Variants in BTBD7 observed in about 807,000 individuals in gnomAD.
BTBD7 encodes the protein BTB/POZ domain-containing protein 7.
In BTBD7, 38 loss-of-function variants were observed where a neutral mutation model predicts 99.9. The ratio of observed to expected loss-of-function variants is 0.38; its 90% CI spans 0.29 to 0.50. BTBD7 has a LOEUF of 0.50. Ranked by LOEUF, BTBD7 falls within the 20% of genes least tolerant of loss-of-function variation. BTBD7 has a pLI of 0.93. For synonymous variants in BTBD7, 520 were observed against 511.4 expected (o/e 1.02, Z -0.23); for missense variants, 1,170 against 1,394.6 (o/e 0.84, Z 2.57).
At position 93,242,649 on chromosome 14, in the gene BTBD7, T is replaced by G. The variant is rs539713541; in HGVS notation, c.3023A>C (p.Glu1008Ala). 11 of 1,613,868 alleles carry G rather than the reference T, an allele frequency of 6.8e-6. No individual in the cohort carries two copies. The highest frequency in any genetic ancestry group is 8.5e-6 in the Non-Finnish European group (10 of 1,179,948). Residue 1008 changes from glutamate to alanine, a missense_variant, in exon 11 of 11, where the codon GAA becomes GCA. By Grantham distance (107) the Glu-to-Ala change is moderately radical. Coordinates refer to ENST00000334746, the MANE Select transcript of BTBD7 (RefSeq NM_001002860.4). ...ATGCCCGTCAGGGGAAAGTGGATAT[T>G]CTCTCCTAGCTTCTTCCTGTTTTTT... ...SPKKQEEARREYPLSPDGHLH... is the reference protein window; with the variant it reads ...SPKKQEEARRAYPLSPDGHLH...
intron 1 of BTBD7, among the ~76,000 whole-genome samples, chr14:93,311,640 T>C (rs994212541): frequency 7.9e-5 from 12 of 152,198 alleles, no homozygotes; most frequent in African/African-American, 2.9e-4. Flanking sequence ...AAACCCTCTA[T>C]TCTCAATGCA....
chr14:93,283,488 C>G (rs2052744126), intron 3 of BTBD7, among the ~76,000 whole-genome samples: 1 of 152,182 alleles, frequency 6.6e-6, no homozygotes, highest in Non-Finnish European at 1.5e-5. Flanking sequence ...TACAAACTAC[C>G]TGATACATAT....
chr14:93,274,374 G>C (rs1392578220), intron 3 of BTBD7, among the ~76,000 whole-genome samples: 3 of 152,218 alleles, frequency 2.0e-5, no homozygotes, highest in Non-Finnish European at 4.4e-5. Context: ...GTTGTCTGCT[G>C]TGAAAATTGT....
intron 5 of BTBD7, among the ~76,000 whole-genome samples, chr14:93,260,794 C>T (rs1162891376): frequency 6.6e-6 from 1 of 152,204 alleles, no homozygotes; most frequent in African/African-American, 2.4e-5. Context: ...CTCAGGTGAT[C>T]CGCCCGCCTC....
At chr14:93,315,360 G>T (rs2053188016) in intron 1 of BTBD7, among the ~76,000 whole-genome samples, 1 of 152,186 alleles carries the variant, frequency 6.6e-6, no homozygotes, top group Non-Finnish European at 1.5e-5. Flanking sequence ...GCTAGGAAGC[G>T]AGATGGATAA....
chr14:93,326,843 T>A (rs1479838671), intron 1 of BTBD7, among the ~76,000 whole-genome samples: 4 of 152,156 alleles, frequency 2.6e-5, no homozygotes, highest in Non-Finnish European at 5.9e-5. Context: ...TTACCTCACT[T>A]TAATAATGAT....
chr14:93,319,823 AAAATG>A (rs1343882277), intron 1 of BTBD7, among the ~76,000 whole-genome samples: 1 of 152,226 alleles, frequency 6.6e-6, no homozygotes, highest in Non-Finnish European at 1.5e-5. Context: ...AAAAAAAATA[AAAATG>A]AATAGGACAA....
At chr14:93,284,217 T>G (rs535062034) in intron 3 of BTBD7, among the ~76,000 whole-genome samples, 92 of 152,318 alleles carry the variant, frequency 6.0e-4, no homozygotes, top group African/African-American at 2.1e-3. Flanking sequence ...TTTTCTAAAT[T>G]CAATTGATAT....
rs865774797 is a variant in BTBD7 at position 93,256,280 on chromosome 14, A to T, written c.1608+915T>A. The stretch of plus-strand genomic sequence containing the variant: ...TGTTTTTTTTCCAGAAGACTTTTAT[A>T]ATGTTTTATAATGTTCCTGTGCAGT... On this transcript the variant is annotated intron_variant, in intron 6 of 10. Coordinates refer to ENST00000334746, the MANE Select transcript of BTBD7 (RefSeq NM_001002860.4). The T allele has an allele frequency of 1.3e-4, 20 of 152,284 alleles. No individual in the cohort carries two copies. The Middle Eastern group carries it at 0.017, about 129-fold the overall frequency. 9.4% of individuals were successfully genotyped at this position (152,284 alleles called of 1,614,324 possible). A position where few individuals can be genotyped will look rare whatever the true frequency, so the allele number is the denominator to read the frequency against.
intron 3 of BTBD7, among the ~76,000 whole-genome samples, chr14:93,285,973 C>A (rs1024181950): frequency 4.6e-5 from 7 of 152,148 alleles, no homozygotes; most frequent in Non-Finnish European, 1.0e-4. Flanking sequence ...AGGAAGGCTG[C>A]AGGATGGGGA....
chr14:93,248,404 C>T (rs979593150), intron 9 of BTBD7, 72 bp downstream of exon 9: 8 of 1,501,674 alleles, frequency 5.3e-6, no homozygotes, highest in Non-Finnish European at 7.3e-6. Context: ...AAGGACTCGT[C>T]AGGATGCCCA....
intron 6 of BTBD7, among the ~76,000 whole-genome samples, chr14:93,254,757 G>C (rs994914163): frequency 6.6e-6 from 1 of 152,156 alleles, no homozygotes; most frequent in Admixed American, 6.5e-5. Flanking sequence ...GATTAAATGA[G>C]GGCAATGCAG....
chr14:93,290,987 G>GTTTTTT (rs34246296), intron 3 of BTBD7, among the ~76,000 whole-genome samples: 20 of 76,768 alleles, frequency 2.6e-4, no homozygotes, highest in East Asian at 1.3e-3. Context: ...GCTAGGCCTA[G>GTTTTTT]TTTTTTTTTT....
chr14:93,330,272 GT>G (rs1271513842), intron 1 of BTBD7, among the ~76,000 whole-genome samples: 1 of 152,140 alleles, frequency 6.6e-6, no homozygotes, highest in Non-Finnish European at 1.5e-5. Flanking sequence ...ACTGACTAAA[GT>G]TTCCTAACGA....
At chr14:93,290,582 A>C (rs923497347) in intron 3 of BTBD7, among the ~76,000 whole-genome samples, 2 of 140,118 alleles carry the variant, frequency 1.4e-5, no homozygotes, top group Admixed American at 7.6e-5. Context: ...GAGTGGTGCA[A>C]TCTTGGCTCA....
chr14:93,242,143 C>A lies in BTBD7; in HGVS notation c.*130G>T. On this transcript the variant is annotated 3_prime_UTR_variant, in exon 11 of 11. Coordinates refer to ENST00000334746, the MANE Select transcript of BTBD7 (RefSeq NM_001002860.4). ...CATGTCTAATAAACACATATATACA[C>A]AAAAACTAGAACAAAATCATGTGAA... is the stretch of plus-strand genomic sequence containing the variant. 1.2e-6 allele frequency: 1 copy of A among 845,034 alleles called. No individual in the cohort carries two copies. Among genetic ancestry groups the A allele is most frequent in the Non-Finnish European group, 1.8e-6 (1 of 550,614 alleles). The allele number at this position is 845,034 out of a possible 1,614,324, so 52.3% of individuals were successfully genotyped here. A position where few individuals can be genotyped will look rare whatever the true frequency, so the allele number is the denominator to read the frequency against.
chr14:93,250,896 T>C (rs1044465310), intron 8 of BTBD7, among the ~76,000 whole-genome samples: 8 of 152,168 alleles, frequency 5.3e-5, no homozygotes, highest in Non-Finnish European at 1.2e-4. Flanking sequence ...AAAGGTATAA[T>C]AGACTAGGAA....
At chr14:93,290,413 C>T (rs1165852773) in intron 3 of BTBD7, among the ~76,000 whole-genome samples, 2 of 151,028 alleles carry the variant, frequency 1.3e-5, no homozygotes, top group Non-Finnish European at 2.9e-5. Context: ...GGGGTTTCAC[C>T]CTGTTAGCCA....
At chr14:93,270,828 G>C (rs2052593853) in intron 3 of BTBD7, among the ~76,000 whole-genome samples, 2 of 152,196 alleles carry the variant, frequency 1.3e-5, no homozygotes, top group African/African-American at 4.8e-5. Context: ...CTCTTGGGAG[G>C]CTGGCAGGTA....
Sources: allele counts gnomAD v4.1 joint callset (sites outside exome capture counted in the v4.1 genomes callset), GRCh38; gene constraint gnomAD v4.1.1; transcripts MANE v1.5; gene names NCBI Gene and HGNC (gene_info 2026-07-23, HGNC 2026-07-21).